Variants in EPN1 observed in about 807,000 individuals in gnomAD.
EPN1 encodes epsin-1.
EPN1 carries 25 observed loss-of-function variants against 56.9 expected under a neutral mutation model. The ratio of observed to expected loss-of-function variants is 0.44; its 90% confidence interval spans 0.32 to 0.61. The LOEUF (loss-of-function observed/expected upper bound fraction) is 0.61. Ranked by LOEUF, EPN1 falls within the 20% of genes least tolerant of loss-of-function variation. The pLI is 0.05. For missense variants in EPN1, 785 were observed against 823.7 expected (o/e 0.95, Z 0.58); for synonymous variants, 411 against 361.8 (o/e 1.14, Z -1.54).
intron 1 of EPN1, chr19:55,676,523 T>TA (rs1379786610): frequency 6.6e-6 from 1 of 152,282 alleles, no homozygotes; most frequent in African/African-American, 2.4e-5. Flanking sequence ...TTTTCTCTGA[T>TA]AATAATAGCA....
In EPN1 at chr19:55,704,633, ACT is replaced by A. The variant is rs1410035632; in HGVS notation, c.*9278_*9279del. 2 of 152,204 alleles carry A rather than the reference ACT, an allele frequency of 1.3e-5. No homozygotes were observed. Among genetic ancestry groups the A allele is most frequent in the African/African-American group, 2.4e-5 (1 of 41,416 alleles). 9.4% of individuals were successfully genotyped at this position (152,204 alleles called of 1,614,324 possible). A position where few individuals can be genotyped will look rare whatever the true frequency, so the allele number is the denominator to read the frequency against. On this transcript the variant is annotated 3_prime_UTR_variant, in exon 11 of 11. Coordinates refer to ENST00000270460, the MANE Select transcript of EPN1 (RefSeq NM_001130072.2). Reference sequence around the variant, plus strand: ...CCCTAACATGAATGCAGCCATCCACACTGTCTGGGGGAAGGCACACACACCCC... The same window carrying A: ...CCCTAACATGAATGCAGCCATCCACAGTCTGGGGGAAGGCACACACACCCC...
chr19:55,681,380 A>G (rs1269738453), intron 2 of EPN1, among the ~76,000 whole-genome samples: 1 of 152,174 alleles, frequency 6.6e-6, no homozygotes, highest in Non-Finnish European at 1.5e-5. Flanking sequence ...AGGAGGTGGT[A>G]GAGCCAAGAG....
Position 55,689,522 on chromosome 19 carries a change from G to A in EPN1, c.678+151G>A, listed in dbSNP as rs1383778868. Among the ~76,000 whole-genome samples, 3 of 152,192 alleles carry A rather than the reference G, an allele frequency of 2.0e-5. No individual in the cohort carries two copies. Among genetic ancestry groups the A allele is most frequent in the Non-Finnish European group, 1.5e-5 (1 of 68,036 alleles). On this transcript the variant is annotated intron_variant, in intron 5 of 10. Transcript: ENST00000270460. The surrounding 1 kb of genome is among the most constrained non-coding windows in gnomAD (Gnocchi z 5.7). ...ACCTCAGTACCTTCAGCCGTAGGAT[G>A]TAGGACCACAAGTCAGACAGAGCCT... is the stretch of plus-strand genomic sequence containing the variant.
intron 7 of EPN1, among the ~76,000 whole-genome samples, chr19:55,692,293 G>A (rs1347441199): frequency 1.3e-5 from 2 of 151,924 alleles, no homozygotes; most frequent in Admixed American, 6.6e-5. Flanking sequence ...CAGCTCAGCC[G>A]AGGGGCAGAG....
intron 9 of EPN1, among the ~76,000 whole-genome samples, chr19:55,693,758 G>T (rs1291115989): frequency 2.0e-5 from 3 of 152,174 alleles, no homozygotes; most frequent in Non-Finnish European, 4.4e-5. Flanking sequence ...TGAAAGGCTG[G>T]CAGCTTGCAG....
intron 2 of EPN1, among the ~76,000 whole-genome samples, chr19:55,683,542 C>G (rs535894276): frequency 2.6e-5 from 4 of 150,964 alleles, no homozygotes; most frequent in South Asian, 2.1e-4. Context: ...TTAGTAGAAA[C>G]AGGTTTCATC....
chr19:55,689,043 C>G lies in EPN1; in HGVS notation c.603+49C>G. On this transcript the variant is annotated intron_variant, in intron 4 of 10. Transcript: ENST00000270460. This position sits in a 1 kb window ranked among gnomAD's most constrained non-coding sequence, Gnocchi z 5.7. ...GTCTGTCCGCCACCCGCCTCCACGCCTCACTTCAGGCTCCCTCCCAGCCAG... is the reference window on the plus strand; with the variant it reads ...GTCTGTCCGCCACCCGCCTCCACGCGTCACTTCAGGCTCCCTCCCAGCCAG... 1 of 1,538,254 alleles carries G rather than the reference C, an allele frequency of 6.5e-7. No individual in the cohort carries two copies. The highest frequency in any genetic ancestry group is 8.7e-7 in the Non-Finnish European group (1 of 1,145,916).
intron 2 of EPN1, among the ~76,000 whole-genome samples, chr19:55,679,480 T>C (rs1247606358): frequency 6.6e-6 from 1 of 152,186 alleles, no homozygotes; most frequent in East Asian, 1.9e-4. Flanking sequence ...CACGTCTGAC[T>C]TGGGGCAGGG....
At chr19:55,682,779 C>T (rs867090079) in intron 2 of EPN1, among the ~76,000 whole-genome samples, 13 of 149,916 alleles carry the variant, frequency 8.7e-5, no homozygotes, top group South Asian at 2.1e-4. Context: ...ATTTATGAGA[C>T]GGAGTCTCGC....
chr19:55,707,354 A>C lies in EPN1; in HGVS notation c.*11998A>C, dbSNP rs143017134. On this transcript the variant is annotated 3_prime_UTR_variant, in exon 11 of 11. Coordinates refer to ENST00000270460, the MANE Select transcript of EPN1 (RefSeq NM_001130072.2). ...AGACCCTGACTCTAAAACAAAAGAA[A>C]GAACAAATAACAAATGAAAATAAAT... 1,570 of 152,384 alleles carry C rather than the reference A, an allele frequency of 0.01. 12 individuals carry two copies. The highest frequency in any genetic ancestry group is 0.015 in the Non-Finnish European group (1,055 of 68,066). 9.4% of individuals were successfully genotyped at this position (152,384 alleles called of 1,614,324 possible).
rs1326144863 is a variant in EPN1, at chr19:55,697,534, TTCC to T, written c.*2181_*2183del. On this transcript the variant is annotated 3_prime_UTR_variant, in exon 11 of 11. Coordinates refer to ENST00000270460, the MANE Select transcript of EPN1 (RefSeq NM_001130072.2). ...GTGAGGCTTTAATTCTCCCCACCAT[TTCC>T]TCATTTGGCAAAACAGAGAAGACAG... is the stretch of plus-strand genomic sequence containing the variant. 6.6e-6 allele frequency: 1 copy of T among 152,152 alleles called. No individual in the cohort carries two copies. The highest frequency in any genetic ancestry group is 1.5e-5 in the Non-Finnish European group (1 of 68,034). 9.4% of individuals were successfully genotyped at this position (152,152 alleles called of 1,614,324 possible).
In EPN1 at chr19:55,706,709, A is replaced by G. The variant is rs1309176225; in HGVS notation, c.*11353A>G. On this transcript the variant is annotated 3_prime_UTR_variant, in exon 11 of 11. Transcript: ENST00000270460. ...AGATTTAAAAAACAATAGTAAAGAG[A>G]GATTTAAAAAACAATAGTAAAGAGA... The G allele has an allele frequency of 6.6e-6, 1 of 151,704 alleles. No individual in the cohort carries two copies. The highest frequency in any genetic ancestry group is 1.5e-5 in the Non-Finnish European group (1 of 67,958). The allele number at this position is 151,704 out of a possible 1,614,324, so 9.4% of individuals were successfully genotyped here.
In EPN1 at chr19:55,701,982, G is replaced by A. The variant is rs1465627536; in HGVS notation, c.*6626G>A. ...TTCTTTTTTTTTTTTTTTTTTTTGA[G>A]ATGGAGTCTCGCTCTGTCGCCCAGG... On this transcript the variant is annotated 3_prime_UTR_variant, in exon 11 of 11. Coordinates refer to ENST00000270460, the MANE Select transcript of EPN1 (RefSeq NM_001130072.2). 1.6e-5 allele frequency: 1 copy of A among 63,454 alleles called. No homozygotes were observed. The highest frequency in any genetic ancestry group is 2.8e-5 in the Non-Finnish European group (1 of 35,362). The allele number at this position is 63,454 out of a possible 1,614,324, so 3.9% of individuals were successfully genotyped here. A position where few individuals can be genotyped will look rare whatever the true frequency, so the allele number is the denominator to read the frequency against.
rs367985905 is a variant in EPN1 at position 55,695,266 on chromosome 19, G to T, written c.1641G>T (p.Thr547=). Residue 547 remains threonine, a synonymous_variant, in exon 11 of 11, where the codon ACG becomes ACT. Coordinates refer to ENST00000270460, the MANE Select transcript of EPN1 (RefSeq NM_001130072.2). The surrounding 1 kb of genome is among the most constrained non-coding windows in gnomAD (Gnocchi z 4.4). ...PVPPVPGAPP[T]YISPLGGGPG... is the part of the protein sequence containing the mutation. ...CTCCCGTCCCTGGAGCGCCACCCAC[G>T]TACATCTCTCCCCTTGGCGGGGGCC... is the stretch of plus-strand genomic sequence containing the variant. 6.2e-7 allele frequency: 1 copy of T among 1,607,894 alleles called. No homozygotes were observed. The highest frequency in any genetic ancestry group is 1.1e-5 in the South Asian group (1 of 90,260).
Position 55,693,045 on chromosome 19 carries a change from C to G in EPN1, c.1264+8C>G, listed in dbSNP as rs766039186. The stretch of plus-strand genomic sequence containing the variant: ...CCTCCGGGAGCAGCGCAGGTGAGCC[C>G]CTGCCCTCCCCTGCCCAGTGGCGAG... On this transcript the variant is annotated splice_region_variant and intron_variant, in intron 9 of 10. Coordinates refer to ENST00000270460, the MANE Select transcript of EPN1 (RefSeq NM_001130072.2). 6.2e-7 allele frequency: 1 copy of G among 1,609,200 alleles called. No homozygotes were observed. Among genetic ancestry groups the G allele is most frequent in the South Asian group, 1.1e-5 (1 of 90,942 alleles).
chr19:55,685,381 C>T lies in EPN1; in HGVS notation c.229-15C>T, dbSNP rs751186336. The T allele has an allele frequency of 4.0e-5, 64 of 1,606,292 alleles. No individual in the cohort carries two copies. Among genetic ancestry groups the T allele is most frequent in the Non-Finnish European group, 4.5e-5 (53 of 1,176,970 alleles). On this transcript the variant is annotated splice_polypyrimidine_tract_variant and intron_variant, in intron 2 of 10. Transcript: ENST00000270460. The stretch of plus-strand genomic sequence containing the variant: ...GCCCGGCGTGCTGACCGGGCATCCC[C>T]GTGCCCGCTCGCAGGCCATGACGCT...
chr19:55,706,280 C>CTTTTTTTTTTTTTTTTTTTTTTT lies in EPN1; in HGVS notation c.*10926_*10927insTTTTTTTTTTTTTTTTTTTTTTT, dbSNP rs1323034565. 4 of 129,300 alleles carry CTTTTTTTTTTTTTTTTTTTTTTT rather than the reference C, an allele frequency of 3.1e-5. No individual in the cohort carries two copies. The highest frequency in any genetic ancestry group is 6.3e-5 in the African/African-American group (2 of 31,640). The allele number at this position is 129,300 out of a possible 1,614,324, so 8.0% of individuals were successfully genotyped here. ...TTTCTTCCTTTCTTCTCTTTTTCTT[C>CTTTTTTTTTTTTTTTTTTTTTTT]TTCTTTTTTTTTTTTTTTTAAAAGA... On this transcript the variant is annotated 3_prime_UTR_variant, in exon 11 of 11. Transcript: ENST00000270460.
intron 2 of EPN1, among the ~76,000 whole-genome samples, chr19:55,682,899 G>A (rs1985912575): frequency 1.3e-5 from 2 of 151,940 alleles, no homozygotes; most frequent in Admixed American, 1.3e-4. Flanking sequence ...TGGGATTACA[G>A]GTACTTGCCA....
rs769674925 is a variant in EPN1, at chr19:55,691,859, G to A, written c.868G>A (p.Ala290Thr). The A allele has an allele frequency of 6.2e-6, 10 of 1,604,908 alleles. No homozygotes were observed. In the South Asian group the frequency reaches 1.1e-4, roughly 18 times the overall value. ...CATGGCTGCTGCCGTCCCCACGGCTGCCCCCACCTCGGACCCCTGGGGCGG... is the reference window on the plus strand; with the variant it reads ...CATGGCTGCTGCCGTCCCCACGGCTACCCCCACCTCGGACCCCTGGGGCGG... ...APMAAAVPTA[A>T]PTSDPWGGPP... The change falls in exon 7 of 11, where the codon GCC becomes ACC. Residue 290 changes from alanine to threonine, a missense_variant. Coordinates refer to ENST00000270460, the MANE Select transcript of EPN1 (RefSeq NM_001130072.2). This position sits in a 1 kb window ranked among gnomAD's most constrained non-coding sequence, Gnocchi z 5.6.
Sources: allele counts gnomAD v4.1 joint callset (sites outside exome capture counted in the v4.1 genomes callset), GRCh38; gene constraint gnomAD v4.1.1; non-coding constraint Gnocchi (gnomAD v3.1); transcripts MANE v1.5; gene names NCBI Gene and HGNC (gene_info 2026-07-23, HGNC 2026-07-21).